Variants in PLEKHA8 observed in about 807,000 individuals in gnomAD.
PLEKHA8 encodes pleckstrin homology domain containing A8.
In PLEKHA8, 36 loss-of-function variants were observed where a neutral mutation model predicts 68.2. The ratio of observed to expected loss-of-function variants is 0.53; its 90% CI spans 0.40 to 0.70. The LOEUF (loss-of-function observed/expected upper bound fraction) is 0.70, where lower values mean the gene tolerates loss of function less well. PLEKHA8 is among the 30% of genes least tolerant of loss of function. The pLI is 0.00. For missense variants in PLEKHA8, 505 were observed against 615.4 expected, an observed-to-expected ratio of 0.82 and a Z score of 1.90; for synonymous variants, 211 against 216.1, an observed-to-expected ratio of 0.98 and a Z score of 0.20.
intron 1 of PLEKHA8, among the ~76,000 whole-genome samples, chr7:30,044,014 CAG>C (rs1791746983): frequency 6.6e-6 from 1 of 150,676 alleles, no homozygotes; most frequent in Admixed American, 6.6e-5. Context: ...AAGGTTTACG[CAG>C]AGATAGTCAG....
At chr7:30,033,957 T>C (rs2127958614) in intron 1 of PLEKHA8, among the ~76,000 whole-genome samples, 1 of 151,252 alleles carries the variant, frequency 6.6e-6, no homozygotes, top group East Asian at 1.9e-4. Flanking sequence ...AATGTCTGCA[T>C]TTTTTGCCCA....
intron 13 of PLEKHA8, among the ~76,000 whole-genome samples, chr7:30,101,149 T>G (rs999627784): frequency 6.8e-6 from 1 of 147,080 alleles, no homozygotes; most frequent in African/African-American, 2.5e-5. Context: ...GAGATTGCAC[T>G]CCAGCCTGGG....
intron 4 of PLEKHA8, 108 bp from the exon 5 acceptor site, chr7:30,049,116 G>T: frequency 7.7e-7 from 1 of 1,290,494 alleles, no homozygotes; most frequent in Non-Finnish European, 1.1e-6. Flanking sequence ...TATTTCAGCA[G>T]GTGGGTACAT....
chr7:30,040,121 G>C (rs955011001), intron 1 of PLEKHA8, among the ~76,000 whole-genome samples: 2 of 152,204 alleles, frequency 1.3e-5, no homozygotes, highest in East Asian at 1.9e-4. Flanking sequence ...CGTTTAGTGA[G>C]ATGATCATGT....
At chr7:30,055,366 C>T (rs1792761217) in intron 9 of PLEKHA8, 24 bp downstream of exon 9, 1 of 1,593,714 alleles carries the variant, frequency 6.3e-7, no homozygotes, top group Non-Finnish European at 8.6e-7. Context: ...AGTTGCCTTA[C>T]ATTCATTCAT....
exon 13 of PLEKHA8, chr7:30,090,692 A>T: frequency 3.0e-6 from 2 of 658,494 alleles, no homozygotes; most frequent in Non-Finnish European, 3.8e-6. Context: ...TCAAAAACAC[A>T]ATTTCTTAAA....
At position 30,055,246 on chromosome 7, in the gene PLEKHA8, A is replaced by G. The variant is rs1792747328; in HGVS notation, c.954-11A>G. The G allele has an allele frequency of 6.2e-7, 1 of 1,613,096 alleles. No individual in the cohort carries two copies. The highest frequency in any genetic ancestry group is 8.5e-7 in the Non-Finnish European group (1 of 1,179,034). On this transcript the variant is annotated splice_polypyrimidine_tract_variant and intron_variant, in intron 8 of 13. Transcript: ENST00000449726. ...TCAATCTTTTCTCCTCCATATCACC[A>G]AATTATGTAGCTTTAGTGACATTGA...
At chr7:30,034,594 A>G (rs571239135) in intron 1 of PLEKHA8, among the ~76,000 whole-genome samples, 1 of 152,234 alleles carries the variant, frequency 6.6e-6, no homozygotes, top group Non-Finnish European at 1.5e-5. Flanking sequence ...GGAAGAGAAA[A>G]TACATTTACT....
At position 30,056,306 on chromosome 7, in the gene PLEKHA8, C is replaced by CTA. The variant is rs1215690448; in HGVS notation, c.1039+965_1039+966insAT. Among the ~76,000 whole-genome samples the CTA allele has an allele frequency of 4.8e-4, 43 of 90,228 alleles. No homozygotes were observed. The South Asian group carries it at 7.3e-3, about 15-fold the overall frequency. The allele number at this position is 90,228 out of a possible 152,430, so 59.2% of individuals were successfully genotyped here. On this transcript the variant is annotated intron_variant, in intron 9 of 13. Transcript: ENST00000449726. Reference sequence around the variant, plus strand: ...TCTCTCTCTCTCTCTCTCTCTCTCTCTCTCTCTATATATATATATATATAT... The same window carrying CTA: ...TCTCTCTCTCTCTCTCTCTCTCTCTCTATCTCTCTATATATATATATATATAT...
intron 12 of PLEKHA8, chr7:30,072,242 A>G (rs1359243174): frequency 6.6e-6 from 1 of 152,228 alleles, no homozygotes; most frequent in Non-Finnish European, 1.5e-5. Flanking sequence ...GGATACTGGC[A>G]TTCCAGCATA....
At chr7:30,085,807 G>A (rs1795158360), downstream of PLEKHA8, among the ~76,000 whole-genome samples, 1 of 152,172 alleles carries the variant, frequency 6.6e-6, no homozygotes, top group Admixed American at 6.5e-5. Flanking sequence ...GGACTGGGGT[G>A]GCTATGTTGT....
intron 13 of PLEKHA8, among the ~76,000 whole-genome samples, chr7:30,108,256 G>C (rs921291087): frequency 1.8e-4 from 28 of 151,930 alleles, no homozygotes; most frequent in Admixed American, 1.8e-3. Flanking sequence ...GTTGCCTACT[G>C]TTTTATTTAG....
intron 13 of PLEKHA8, chr7:30,117,820 G>A (rs138306240): frequency 1.3e-4 from 59 of 471,342 alleles, no homozygotes; most frequent in African/African-American, 1.1e-3. Context: ...AAAAAATGAA[G>A]GCACAAAGCT....
chr7:30,074,703 T>A (rs1794507100), intron 13 of PLEKHA8, among the ~76,000 whole-genome samples: 1 of 152,194 alleles, frequency 6.6e-6, no homozygotes, highest in Non-Finnish European at 1.5e-5. Context: ...TTGAATTTTG[T>A]CCTTGAATAT....
At position 30,082,575 on chromosome 7, in the gene PLEKHA8, C is replaced by G; in HGVS notation, c.*3788C>G. The G allele has an allele frequency of 1.0e-6, 1 of 985,316 alleles. No homozygotes were observed. Among genetic ancestry groups the G allele is most frequent in the Non-Finnish European group, 1.2e-6 (1 of 829,858 alleles). The allele number at this position is 985,316 out of a possible 1,614,324, so 61.0% of individuals were successfully genotyped here. On this transcript the variant is annotated 3_prime_UTR_variant, in exon 14 of 14. Coordinates refer to ENST00000449726, the MANE Select transcript of PLEKHA8 (RefSeq NM_001197026.2). ...GGAGTGCAGCGGAAAAAAATTTGCA[C>G]TCTTCTCCTTTTGGTTATTACTTTC...
At position 30,052,872 on chromosome 7, in the gene PLEKHA8, A is replaced by C. The variant is rs753580695; in HGVS notation, c.796+6A>C. Reference sequence around the variant, plus strand: ...TACAGATGATAATATAACAGGTAAAAACAAAAGTAAAGTCTGAAACAAACC... The same window carrying C: ...TACAGATGATAATATAACAGGTAAACACAAAAGTAAAGTCTGAAACAAACC... On this transcript the variant is annotated splice_donor_region_variant and intron_variant, in intron 7 of 13. Transcript: ENST00000449726. 6.4e-7 allele frequency: 1 copy of C among 1,565,774 alleles called. No homozygotes were observed. Among genetic ancestry groups the C allele is most frequent in the Non-Finnish European group, 8.6e-7 (1 of 1,164,882 alleles).
chr7:30,120,162 A>C (rs369973903), intron 13 of PLEKHA8, among the ~76,000 whole-genome samples: 1 of 142,166 alleles, frequency 7.0e-6, no homozygotes. Context: ...TAATTAAAAA[A>C]AAAAAAACAA....
intron 1 of PLEKHA8, among the ~76,000 whole-genome samples, chr7:30,043,762 A>G (rs1471736469): frequency 6.6e-6 from 1 of 152,110 alleles, no homozygotes; most frequent in African/African-American, 2.4e-5. Context: ...GTGCTCCAGG[A>G]AGTTCAGTAG....
chr7:30,119,885 A>T (rs1796667030), intron 13 of PLEKHA8, among the ~76,000 whole-genome samples: 1 of 152,158 alleles, frequency 6.6e-6, no homozygotes, highest in South Asian at 2.1e-4. Context: ...GCCTCCTGAC[A>T]CTAAATATAA....
Sources: gnomAD v4.1 joint callset for allele counts (sites outside exome capture counted in the v4.1 genomes callset) on GRCh38, gnomAD v4.1.1 for gene constraint, MANE v1.5 for transcripts, NCBI Gene and HGNC (gene_info 2026-07-23, HGNC 2026-07-21) for gene names.